SBDS: variants seen among roughly 807,000 people sequenced by gnomAD.
The protein encoded by SBDS is ribosome maturation protein SBDS.
SBDS carries 20 observed loss-of-function variants against 26.4 expected under a neutral mutation model. The ratio of observed to expected loss-of-function variants is 0.76; its 90% CI spans 0.53 to 1.10. The LOEUF is 1.10. Ranked by LOEUF, SBDS falls within the 50% of genes least tolerant of loss-of-function variation. The pLI, the probability that SBDS is intolerant of heterozygous loss-of-function variation, is 0.00. For missense variants in SBDS, 241 were observed against 302.0 expected, an observed-to-expected ratio of 0.80 and a Z score of 1.50; for synonymous variants, 95 against 105.1, an observed-to-expected ratio of 0.90 and a Z score of 0.59.
Position 66,994,243 on chromosome 7 carries a change from C to T in SBDS, c.227G>A (p.Gly76Glu). 2 of 1,614,134 alleles carry T rather than the reference C, an allele frequency of 1.2e-6. No homozygotes were observed. Among genetic ancestry groups the T allele is most frequent in the Non-Finnish European group, 1.7e-6 (2 of 1,180,010 alleles). Residue 76 changes from glycine (G) to glutamate (E), a missense_variant, in exon 2 of 5, where the codon GGA becomes GAA. Coordinates refer to ENST00000246868, the MANE Select transcript of SBDS (RefSeq NM_016038.4). Reference protein sequence around the residue: ...AKKEDLISAFGTDDQTEICKQ... With the variant: ...AKKEDLISAFETDDQTEICKQ... ...ACAGATTTCAGTTTGGTCATCTGTT[C>T]CAAACGCACTGATGAGATCTTCCTT...
intron 1 of SBDS, among the ~76,000 whole-genome samples, chr7:66,994,707 C>G (rs1231308029): frequency 1.3e-5 from 2 of 152,152 alleles, no homozygotes. Context: ...GCCAGGCTGG[C>G]CTCGAACTCC....
intron 2 of SBDS, 52 bp downstream of exon 2, chr7:66,994,160 A>C: frequency 1.3e-6 from 2 of 1,597,386 alleles, no homozygotes; most frequent in South Asian, 2.2e-5. Flanking sequence ...ATATATCTAC[A>C]AATACGTTAT....
At chr7:66,989,436 T>A (rs1367313519) in intron 4 of SBDS, among the ~76,000 whole-genome samples, 1 of 151,712 alleles carries the variant, frequency 6.6e-6, no homozygotes, top group African/African-American at 2.4e-5. Flanking sequence ...TCCCAGCTAC[T>A]CGGGAGGCTG....
chr7:66,987,805 C>A lies in SBDS; in HGVS notation c.*566G>T. 1 of 183,024 alleles carries A rather than the reference C, an allele frequency of 5.5e-6. No individual in the cohort carries two copies. The highest frequency in any genetic ancestry group is 1.2e-5 in the Non-Finnish European group (1 of 86,174). 11.3% of individuals were successfully genotyped at this position (183,024 alleles called of 1,614,324 possible). On this transcript the variant is annotated 3_prime_UTR_variant, in exon 5 of 5. Coordinates refer to ENST00000246868, the MANE Select transcript of SBDS (RefSeq NM_016038.4). Reference sequence around the variant, plus strand: ...AAATAAGTGACTTTTATTTTTTAACCAAGAATAATCTAAGTTATGGCAGCA... The same window carrying A: ...AAATAAGTGACTTTTATTTTTTAACAAAGAATAATCTAAGTTATGGCAGCA...
Position 66,995,566 on chromosome 7 carries a change from GGCA to G in SBDS, c.-152_-150del. ...GCGGCGCCGCGACTCACTAGCTTCA[GGCA>G]GCCGTCACAGTGTGTCTGGCAGGCT... On this transcript the variant is annotated 5_prime_UTR_variant, in exon 1 of 5. Transcript: ENST00000246868. 8.7e-7 allele frequency: 1 copy of G among 1,152,090 alleles called. No homozygotes were observed. The highest frequency in any genetic ancestry group is 1.3e-6 in the Non-Finnish European group (1 of 796,668). The allele number at this position is 1,152,090 out of a possible 1,614,324, so 71.4% of individuals were successfully genotyped here.
At chr7:66,994,734 G>T (rs1324708293) in intron 1 of SBDS, among the ~76,000 whole-genome samples, 1 of 152,190 alleles carries the variant, frequency 6.6e-6, no homozygotes, top group African/African-American at 2.4e-5. Context: ...CAAGTGAACT[G>T]CCCGCATCGG....
chr7:66,993,123 C>G (rs568348579), intron 3 of SBDS, 94 bp downstream of exon 3: 5 of 1,146,682 alleles, frequency 4.4e-6, no homozygotes, highest in Non-Finnish European at 6.6e-6. Context: ...AGGCATGAAC[C>G]ATTGTGCCTG....
At chr7:66,990,318 A>T in intron 4 of SBDS, among the ~76,000 whole-genome samples, 1 of 152,198 alleles carries the variant, frequency 6.6e-6, no homozygotes, top group East Asian at 1.9e-4. Context: ...GCGCCCAGCC[A>T]GGATTCAATC....
Position 66,988,323 on chromosome 7 carries a change from G to T in SBDS, c.*48C>A. ...ACCACAGACATGAAACAGTGCCGTC[G>T]GAAACGGAAACACTTTAGTGTTTTA... On this transcript the variant is annotated 3_prime_UTR_variant, in exon 5 of 5. Transcript: ENST00000246868. The T allele has an allele frequency of 6.2e-7, 1 of 1,602,778 alleles. No homozygotes were observed.
chr7:66,992,175 TA>T (rs1371579791), intron 3 of SBDS, among the ~76,000 whole-genome samples: 1 of 152,124 alleles, frequency 6.6e-6, no homozygotes, highest in Non-Finnish European at 1.5e-5. Flanking sequence ...TATTCCGGCA[TA>T]AAAAAGAAAT....
intron 3 of SBDS, 113 bp downstream of exon 3, chr7:66,993,104 T>C: frequency 1.0e-6 from 1 of 1,000,962 alleles, no homozygotes; most frequent in Non-Finnish European, 1.6e-6. Context: ...CCCAAAGTGC[T>C]AGGATTACAG....
chr7:66,988,523 T>C lies in SBDS; in HGVS notation c.625-24A>G, dbSNP rs185332116. On this transcript the variant is annotated intron_variant, in intron 4 of 4. Transcript: ENST00000246868. ...ACCTGAAACATTTAACGTAGCAGAT[T>C]ACCACATGAGGATGAGCAAGACACA... 33 of 1,611,868 alleles carry C rather than the reference T, an allele frequency of 2.0e-5. No individual in the cohort carries two copies. The East Asian group carries it at 6.2e-4, about 30-fold the overall frequency.
Position 66,994,222 on chromosome 7 carries a change from A to G in SBDS, c.248T>C (p.Ile83Thr). ...GCAGCTGTTACCCACCTGCTTACAG[A>G]TTTCAGTTTGGTCATCTGTTCCAAA... is the stretch of plus-strand genomic sequence containing the variant. The part of the protein sequence containing the change: ...SAFGTDDQTE[I>T]CKQILTKGEV... The change falls in exon 2 of 5, where the codon ATC becomes ACC. Residue 83 changes from isoleucine to threonine, a missense_variant. Ile to Thr is a moderately conservative substitution (Grantham distance 89). Coordinates refer to ENST00000246868, the MANE Select transcript of SBDS (RefSeq NM_016038.4). The G allele has an allele frequency of 1.9e-6, 3 of 1,614,092 alleles. No homozygotes were observed. Among genetic ancestry groups the G allele is most frequent in the Non-Finnish European group, 2.5e-6 (3 of 1,179,994 alleles).
intron 3 of SBDS, among the ~76,000 whole-genome samples, chr7:66,991,550 T>C (rs1792974975): frequency 6.6e-6 from 1 of 152,024 alleles, no homozygotes; most frequent in Non-Finnish European, 1.5e-5. Flanking sequence ...TCCAGCACTT[T>C]GGGAGGCCGA....
At chr7:66,995,139 C>T in intron 1 of SBDS, 151 bp downstream of exon 1, 3 of 1,088,302 alleles carry the variant, frequency 2.8e-6, no homozygotes, top group East Asian at 2.5e-5. Context: ...CAAGCTCGGA[C>T]AGCGACGTCT....
chr7:66,993,758 C>G (rs1217198173), intron 2 of SBDS, among the ~76,000 whole-genome samples: 1 of 151,920 alleles, frequency 6.6e-6, no homozygotes, highest in Admixed American at 6.6e-5. Flanking sequence ...CCTGTAATCC[C>G]AGCTACCCTG....
At position 66,995,543 on chromosome 7, in the gene SBDS, G is replaced by A; in HGVS notation, c.-126C>T. 2 of 1,409,348 alleles carry A rather than the reference G, an allele frequency of 1.4e-6. No individual in the cohort carries two copies. The highest frequency in any genetic ancestry group is 4.0e-5 in the Admixed American group (2 of 49,962). 87.3% of individuals were successfully genotyped at this position (1,409,348 alleles called of 1,614,324 possible). A position where few individuals can be genotyped will look rare whatever the true frequency, so the allele number is the denominator to read the frequency against. Reference sequence around the variant, plus strand: ...GGCACTGACCCAACCACCAGTGCGCGGCGCCGCGACTCACTAGCTTCAGGC... The same window carrying A: ...GGCACTGACCCAACCACCAGTGCGCAGCGCCGCGACTCACTAGCTTCAGGC... On this transcript the variant is annotated 5_prime_UTR_variant, in exon 1 of 5. Coordinates refer to ENST00000246868, the MANE Select transcript of SBDS (RefSeq NM_016038.4).
chr7:66,994,774 C>T (rs1014270759), intron 1 of SBDS, among the ~76,000 whole-genome samples: 39 of 152,086 alleles, frequency 2.6e-4, no homozygotes, highest in Admixed American at 1.4e-3. Context: ...AACTCAGAAC[C>T]GTATTTGCCT....
At chr7:66,988,699 C>A (rs1184917710) in intron 4 of SBDS, among the ~76,000 whole-genome samples, 200 bp from the exon 5 acceptor site, 1 of 152,072 alleles carries the variant, frequency 6.6e-6, no homozygotes, top group Admixed American at 6.6e-5. Flanking sequence ...GTCCATGTAG[C>A]CCCCTGTGAC....
Sources: gnomAD v4.1 joint callset for allele counts (sites outside exome capture counted in the v4.1 genomes callset) on GRCh38, gnomAD v4.1.1 for gene constraint, MANE v1.5 for transcripts, NCBI Gene and HGNC (gene_info 2026-07-23, HGNC 2026-07-21) for gene names.